ITIH3: variants seen among roughly 807,000 people sequenced by gnomAD.
The protein encoded by ITIH3 is inter-alpha-trypsin inhibitor heavy chain H3.
Under a neutral mutation model 96.5 loss-of-function variants are expected in ITIH3, and 81 were observed. The observed-to-expected ratio is 0.84, with a 90% CI of 0.70 to 1.01. ITIH3 has a LOEUF of 1.01. Among genes scored for constraint, ITIH3 ranks in the 50% least tolerant of loss-of-function variants. The probability of loss-of-function intolerance (pLI) is 0.00; values close to 1 mark genes in which losing one functional copy is unlikely to be tolerated. For synonymous variants in ITIH3, 422 were observed against 445.2 expected, an observed-to-expected ratio of 0.95 and a Z score of 0.66; for missense variants, 1,057 against 1,139.3, an observed-to-expected ratio of 0.93 and a Z score of 1.04.
At position 52,806,905 on chromosome 3, in the gene ITIH3, C is replaced by T. The variant is rs1700072780; in HGVS notation, c.2061C>T (p.Leu687=). 1.3e-6 allele frequency: 2 copies of T among 1,581,358 alleles called. No individual in the cohort carries two copies. The highest frequency in any genetic ancestry group is 4.6e-5 in the East Asian group (2 of 43,094). Residue 687 remains leucine, a synonymous_variant, in exon 19 of 22, where the codon CTC becomes CTT. Coordinates refer to ENST00000449956, the MANE Select transcript of ITIH3 (RefSeq NM_002217.4). ...CCTGCCCCATCCCTCTGGCAGGCCT[C>T]ACAGTTAATGGGCAGATCACTGGCG... ...LRLIQDAVTG[L]TVNGQITGDK...
intron 5 of ITIH3, 88 bp from the exon 6 acceptor site, chr3:52,797,729 C>T: frequency 1.2e-6 from 1 of 815,264 alleles, no homozygotes; most frequent in South Asian, 1.6e-5. Context: ...CCTGCATCAC[C>T]ACAGACCCAT....
rs1559471576 is a variant in ITIH3 at position 52,800,553 on chromosome 3, A to T, written c.1091A>T (p.Asp364Val). The T allele has an allele frequency of 1.9e-6, 3 of 1,555,618 alleles. No individual in the cohort carries two copies. Among genetic ancestry groups the T allele is most frequent in the South Asian group, 1.2e-5 (1 of 84,242 alleles). ...MEDKGMTNIN[D>V]GLLRGISMLN... ...TGTGTCCCAGTGACCAACATCAATG[A>T]CGGGCTGCTGAGGGGCATCAGTATG... The change falls in exon 10 of 22, where the codon GAC becomes GTC. Residue 364 changes from aspartate (D) to valine (V), a missense_variant. By Grantham distance (152) the Asp-to-Val change is radical. Transcript: ENST00000449956.
chr3:52,804,540 G>A, intron 14 of ITIH3, 186 bp from the exon 15 acceptor site: 1 of 605,516 alleles, frequency 1.7e-6, no homozygotes, highest in Non-Finnish European at 3.0e-6. Context: ...AGCTGGGCCT[G>A]GCCAGGCCAG....
In ITIH3 at chr3:52,805,594, C is replaced by G. The variant is rs541885034; in HGVS notation, c.1874-214C>G. ...GCCACATCAAAAAGCCCTGCGCCAACGTTAAAATCACATCCCATTGCCACC... is the reference window on the plus strand; with the variant it reads ...GCCACATCAAAAAGCCCTGCGCCAAGGTTAAAATCACATCCCATTGCCACC... On this transcript the variant is annotated intron_variant, in intron 15 of 21. Coordinates refer to ENST00000449956, the MANE Select transcript of ITIH3 (RefSeq NM_002217.4). 2.8e-5 allele frequency: 39 copies of G among 1,378,018 alleles called. No individual in the cohort carries two copies. In the South Asian group the frequency reaches 6.4e-4, roughly 23 times the overall value. 85.4% of individuals were successfully genotyped at this position (1,378,018 alleles called of 1,614,324 possible).
chr3:52,804,739 G>C lies in ITIH3; in HGVS notation c.1873+5G>C. 1 of 1,588,940 alleles carries C rather than the reference G, an allele frequency of 6.3e-7. No individual in the cohort carries two copies. The highest frequency in any genetic ancestry group is 1.3e-5 in the African/African-American group (1 of 74,628). ...CTGCACCTGCAGATGCAGAAGGTAA[G>C]CCTTTAGCCAGCCACCGGGTTGGGC... On this transcript the variant is annotated splice_donor_5th_base_variant and intron_variant, in intron 15 of 21. Coordinates refer to ENST00000449956, the MANE Select transcript of ITIH3 (RefSeq NM_002217.4).
Position 52,794,823 on chromosome 3 carries a change from C to T in ITIH3, c.20C>T (p.Pro7Leu). MAFAWW[P>L]CLILALLSSL... is the part of the protein sequence containing the mutation. The stretch of plus-strand genomic sequence containing the variant: ...TCAGCGATGGCATTTGCATGGTGGC[C>T]CTGTCTCATCTTGGCTCTGCTCTCC... Residue 7 changes from proline (P) to leucine (L), a missense_variant, in exon 1 of 22, where the codon CCC (proline) becomes CTC (leucine). Coordinates refer to ENST00000449956, the MANE Select transcript of ITIH3 (RefSeq NM_002217.4). 6.2e-7 allele frequency: 1 copy of T among 1,613,932 alleles called. No individual in the cohort carries two copies. The highest frequency in any genetic ancestry group is 8.5e-7 in the Non-Finnish European group (1 of 1,179,848).
intron 14 of ITIH3, chr3:52,804,391 G>A (rs1033812654): frequency 4.6e-6 from 2 of 435,568 alleles, no homozygotes; most frequent in Non-Finnish European, 8.3e-6. Flanking sequence ...AAGAGTCCCT[G>A]AGAGCTGGAG....
intron 4 of ITIH3, 79 bp downstream of exon 4, chr3:52,796,922 A>G (rs900514469): frequency 3.4e-6 from 4 of 1,186,416 alleles, no homozygotes; most frequent in Admixed American, 2.5e-5. Context: ...AACAACAGCT[A>G]TTATTATTGG....
intron 18 of ITIH3, among the ~76,000 whole-genome samples, 156 bp downstream of exon 18, chr3:52,806,562 C>T (rs536960915): frequency 1.3e-5 from 2 of 152,342 alleles, no homozygotes; most frequent in East Asian, 1.9e-4. Flanking sequence ...CCCAGGGCCA[C>T]AGGCTTGCTC....
chr3:52,799,297 G>A, intron 7 of ITIH3, 75 bp from the exon 8 acceptor site: 2 of 1,256,158 alleles, frequency 1.6e-6, no homozygotes, highest in East Asian at 2.4e-5. Context: ...TAAATGTCTG[G>A]CTTCTACCTG....
chr3:52,797,292 G>C (rs762983443), intron 5 of ITIH3, 25 bp downstream of exon 5: 1 of 1,582,858 alleles, frequency 6.3e-7, no homozygotes, highest in East Asian at 2.3e-5. Context: ...CTGCAGACCT[G>C]GGGGGACGGC....
At chr3:52,801,179 G>A (rs760634011) in intron 11 of ITIH3, 33 bp downstream of exon 11, 93 of 1,501,182 alleles carry the variant, frequency 6.2e-5, no homozygotes, top group Non-Finnish European at 8.0e-5. Context: ...CCGGGCATAA[G>A]GAGCTCACTA....
chr3:52,803,800 A>T, intron 13 of ITIH3, 55 bp from the exon 14 acceptor site: 1 of 1,594,640 alleles, frequency 6.3e-7, no homozygotes. Context: ...AGTGCAGGGG[A>T]AGTGGGCAGG....
Position 52,799,889 on chromosome 3 carries a change from G to C in ITIH3, c.1043G>C (p.Arg348Thr), listed in dbSNP as rs768686512. 5.6e-6 allele frequency: 9 copies of C among 1,613,894 alleles called. No individual in the cohort carries two copies. The East Asian group carries it at 2.0e-4, about 36-fold the overall frequency. The change falls in exon 9 of 22, where the codon AGG becomes ACG. Residue 348 changes from arginine (R) to threonine (T), a missense_variant. By Grantham distance (71) the Arg-to-Thr change is moderately conservative. Coordinates refer to ENST00000449956, the MANE Select transcript of ITIH3 (RefSeq NM_002217.4). ...QATPENLQEA[R>T]TFVKSMEDKG... ...ACGCCCGAGAACCTCCAGGAGGCCAGGACGTTTGTGAAGAGCATGGAGGAT... is the reference window on the plus strand; with the variant it reads ...ACGCCCGAGAACCTCCAGGAGGCCACGACGTTTGTGAAGAGCATGGAGGAT...
chr3:52,799,052 C>G lies in ITIH3; in HGVS notation c.750C>G (p.Ile250Met). 1 of 1,613,546 alleles carries G rather than the reference C, an allele frequency of 6.2e-7. No individual in the cohort carries two copies. Among genetic ancestry groups the G allele is most frequent in the Non-Finnish European group, 8.5e-7 (1 of 1,179,704 alleles). The part of the protein sequence containing the change: ...TDSLLNGDFT[I>M]TYDVNRESPG... ...CCCTCCTCAATGGAGATTTCACTAT[C>G]ACCTATGACGTGAACAGAGAATCTC... The change falls in exon 7 of 22, where the codon ATC (isoleucine) becomes ATG (methionine). Residue 250 changes from isoleucine to methionine, a missense_variant. Transcript: ENST00000449956.
rs1481928517 is a variant in ITIH3, at chr3:52,801,050, C to A, written c.1287C>A (p.Asn429Lys). 6.2e-7 allele frequency: 1 copy of A among 1,613,604 alleles called. No individual in the cohort carries two copies. The highest frequency in any genetic ancestry group is 1.3e-5 in the African/African-American group (1 of 74,932). Residue 429 changes from asparagine (N) to lysine (K), a missense_variant, in exon 11 of 22, where the codon AAC becomes AAA. Coordinates refer to ENST00000449956, the MANE Select transcript of ITIH3 (RefSeq NM_002217.4). ...CCTTGTATAACCTGGGCTTTGGCAACAATCTGAATTATAACTTCCTGGAGA... is the reference window on the plus strand; with the variant it reads ...CCTTGTATAACCTGGGCTTTGGCAAAAATCTGAATTATAACTTCCTGGAGA... ...KFPLYNLGFG[N>K]NLNYNFLENM...
chr3:52,796,334 C>A (rs142219381), intron 2 of ITIH3, 147 bp from the exon 3 acceptor site: 2 of 658,498 alleles, frequency 3.0e-6, no homozygotes, highest in African/African-American at 1.8e-5. Context: ...GCCACCAAGT[C>A]TTCCAGTGTA....
At chr3:52,800,398 C>A in intron 9 of ITIH3, 140 bp from the exon 10 acceptor site, 1 of 912,730 alleles carries the variant, frequency 1.1e-6, no homozygotes, top group Non-Finnish European at 1.6e-6. Flanking sequence ...TCATTGTTTG[C>A]TGAGTACCAC....
At chr3:52,799,961 C>G in intron 9 of ITIH3, 40 bp downstream of exon 9, 2 of 1,589,406 alleles carry the variant, frequency 1.3e-6, no homozygotes, top group Middle Eastern at 2.0e-4. Context: ...CCTAGCGGTG[C>G]CTCCCTCTGT....
Sources: allele counts gnomAD v4.1 joint callset (sites outside exome capture counted in the v4.1 genomes callset), GRCh38; gene constraint gnomAD v4.1.1; transcripts MANE v1.5; gene names NCBI Gene and HGNC (gene_info 2026-07-23, HGNC 2026-07-21).